THSD4: variants seen among roughly 807,000 people sequenced by gnomAD.
THSD4 encodes the protein thrombospondin type-1 domain-containing protein 4.
In THSD4, 69 loss-of-function variants were observed where a neutral mutation model predicts 119.0. That is an observed-to-expected ratio of 0.58 (90% CI 0.48 to 0.71). THSD4 has a LOEUF of 0.71. Ranked by LOEUF, THSD4 falls within the 30% of genes least tolerant of loss-of-function variation. The probability of loss-of-function intolerance (pLI) is 0.00; values close to 1 mark genes in which losing one functional copy is unlikely to be tolerated. For missense variants in THSD4, 1,393 were observed against 1,391.1 expected (o/e 1.00, Z -0.02); for synonymous variants, 524 against 540.4 (o/e 0.97, Z 0.42).
chr15:71,098,532 A>G (rs553277946), intron 1 of THSD4, among the ~76,000 whole-genome samples: 4 of 152,136 alleles, frequency 2.6e-5, no homozygotes, highest in Admixed American at 1.3e-4. Flanking sequence ...CCAGAGTGCT[A>G]TGATTACAGG....
intron 1 of THSD4, among the ~76,000 whole-genome samples, chr15:71,128,397 C>T (rs2040473052): frequency 6.6e-6 from 1 of 151,892 alleles, no homozygotes. Flanking sequence ...CATAGTGGCA[C>T]ATGTCTGTAA....
intron 7 of THSD4, among the ~76,000 whole-genome samples, chr15:71,511,730 A>G (rs1382795786): frequency 6.6e-6 from 1 of 152,202 alleles, no homozygotes; most frequent in Non-Finnish European, 1.5e-5. Flanking sequence ...ATACAATTAT[A>G]ATGAGGTTTT....
intron 8 of THSD4, among the ~76,000 whole-genome samples, chr15:71,717,314 C>T (rs2052628801): frequency 1.3e-5 from 2 of 152,132 alleles, no homozygotes; most frequent in Non-Finnish European, 2.9e-5. Flanking sequence ...AGTTAGAAAG[C>T]AGTTATCTAG....
chr15:71,129,777 G>T (rs1311275645), intron 1 of THSD4, among the ~76,000 whole-genome samples: 1 of 152,156 alleles, frequency 6.6e-6, no homozygotes, highest in Non-Finnish European at 1.5e-5. Context: ...GCACAGTGGT[G>T]ATTGCTACAA....
rs554791811 is a variant in THSD4 at position 71,649,330 on chromosome 15, G to A, written c.1153-11200G>A. 4.6e-5 allele frequency among the ~76,000 whole-genome samples: 7 copies of A among 152,188 alleles called. No homozygotes were observed. In the South Asian group the frequency reaches 1.5e-3, roughly 32 times the overall value. ...TTCTTGTTGCCCAGGCTGGAGTGCA[G>A]TGGTGTGATCTCAACTCACTGCAAT... On this transcript the variant is annotated intron_variant, in intron 7 of 17. Coordinates refer to ENST00000261862, the MANE Select transcript of THSD4 (RefSeq NM_024817.3).
intron 7 of THSD4, among the ~76,000 whole-genome samples, chr15:71,416,003 G>C (rs1458366764): frequency 6.6e-6 from 1 of 152,112 alleles, no homozygotes; most frequent in Non-Finnish European, 1.5e-5. Context: ...CGTTGTGTTG[G>C]CCAGGCTGGT....
chr15:71,717,479 C>G (rs1252468080), intron 8 of THSD4, among the ~76,000 whole-genome samples: 1 of 151,638 alleles, frequency 6.6e-6, no homozygotes, highest in South Asian at 2.1e-4. Flanking sequence ...AAAAATAAGA[C>G]AAGACAGGTG....
chr15:71,397,162 T>C (rs2046464803), intron 6 of THSD4, among the ~76,000 whole-genome samples: 1 of 152,192 alleles, frequency 6.6e-6, no homozygotes, highest in Admixed American at 6.5e-5. Flanking sequence ...ATGAGGAATG[T>C]CTCCCAGCAT....
chr15:71,360,473 AT>A (rs1307020273), intron 6 of THSD4, among the ~76,000 whole-genome samples: 1 of 152,222 alleles, frequency 6.6e-6, no homozygotes, highest in Non-Finnish European at 1.5e-5. Flanking sequence ...GATGGTGGCC[AT>A]CTTTATAGGA....
chr15:71,623,044 C>T (rs1372856035), intron 7 of THSD4, among the ~76,000 whole-genome samples: 2 of 151,410 alleles, frequency 1.3e-5, no homozygotes, highest in Non-Finnish European at 2.9e-5. Context: ...ATGGAGGTCT[C>T]GGTAATCAGG....
At chr15:71,675,580 C>CCCTCTTGATCATGAGA (rs1384460799) in intron 8 of THSD4, among the ~76,000 whole-genome samples, 1 of 152,086 alleles carries the variant, frequency 6.6e-6, no homozygotes, top group Non-Finnish European at 1.5e-5. Context: ...ACATCTTAGC[C>CCCTCTTGATCATGAGA]CCTCTTGATC....
At chr15:71,524,023 C>A (rs538917998) in intron 7 of THSD4, among the ~76,000 whole-genome samples, 2 of 152,224 alleles carry the variant, frequency 1.3e-5, no homozygotes, top group African/African-American at 4.8e-5. Flanking sequence ...AGAGGACAGT[C>A]TTTCCCATAC....
At chr15:71,125,693 G>C (rs951518099) in intron 1 of THSD4, among the ~76,000 whole-genome samples, 19 of 152,046 alleles carry the variant, frequency 1.2e-4, no homozygotes, top group African/African-American at 4.6e-4. Flanking sequence ...CCAGTCAGGA[G>C]GGGGGCGCCA....
chr15:71,196,111 C>T (rs1286574163), intron 3 of THSD4, among the ~76,000 whole-genome samples: 4 of 152,114 alleles, frequency 2.6e-5, no homozygotes, highest in African/African-American at 7.2e-5. Context: ...GCAAAAGGGC[C>T]GACTGCTGAG....
intron 7 of THSD4, among the ~76,000 whole-genome samples, chr15:71,421,146 G>A (rs1323256205): frequency 8.0e-5 from 4 of 50,278 alleles, no homozygotes. Context: ...GTGATGGAGT[G>A]AGACTCCGTC....
intron 7 of THSD4, among the ~76,000 whole-genome samples, chr15:71,548,478 C>T (rs934323352): frequency 6.6e-6 from 1 of 152,204 alleles, no homozygotes; most frequent in African/African-American, 2.4e-5. Flanking sequence ...GGAGTGCTCC[C>T]AAGCCCACGG....
At chr15:71,218,973 A>G (rs2043955324) in intron 4 of THSD4, among the ~76,000 whole-genome samples, 1 of 152,194 alleles carries the variant, frequency 6.6e-6, no homozygotes, top group African/African-American at 2.4e-5. Context: ...TTGGGACCTC[A>G]TGGCTCTTAC....
intron 8 of THSD4, among the ~76,000 whole-genome samples, chr15:71,700,464 G>A (rs934882407): frequency 1.9e-4 from 29 of 151,096 alleles, no homozygotes; most frequent in South Asian, 4.1e-4. Context: ...TATTTCAGTC[G>A]AAGACAACTC....
intron 7 of THSD4, among the ~76,000 whole-genome samples, chr15:71,483,454 A>T (rs2047764856): frequency 6.6e-6 from 1 of 152,148 alleles, no homozygotes; most frequent in Non-Finnish European, 1.5e-5. Context: ...GATGTTCTAA[A>T]ACTTGATCAA....
Sources: gnomAD v4.1 joint callset for allele counts (sites outside exome capture counted in the v4.1 genomes callset) on GRCh38, gnomAD v4.1.1 for gene constraint, MANE v1.5 for transcripts, NCBI Gene and HGNC (gene_info 2026-07-23, HGNC 2026-07-21) for gene names.